Variants in INTS9 observed in about 807,000 individuals in gnomAD.
INTS9 encodes protein related to CPSF subunits of 74 kDa.
A neutral mutation model predicts 79.7 loss-of-function variants in INTS9; 55 were observed. That is an observed-to-expected ratio of 0.69 (90% CI 0.56 to 0.86). The LOEUF is 0.86. Ranked by LOEUF, INTS9 falls within the 40% of genes least tolerant of loss-of-function variation. The probability of loss-of-function intolerance (pLI) is 0.00; values close to 1 mark genes in which losing one functional copy is unlikely to be tolerated. For missense variants in INTS9, 721 were observed against 831.5 expected (o/e 0.87, Z 1.64); for synonymous variants, 319 against 325.2 (o/e 0.98, Z 0.20).
intron 11 of INTS9, among the ~76,000 whole-genome samples, chr8:28,783,149 A>AAG (rs1803398997): frequency 2.5e-5 from 1 of 40,608 alleles, no homozygotes; most frequent in African/African-American, 5.0e-5. Context: ...TCTCAAAAAA[A>AAG]AAAAAAAAAA....
rs777253741 is a variant in INTS9 at position 28,859,524 on chromosome 8, G to A, written c.49C>T (p.Leu17Phe). 3.7e-6 allele frequency: 6 copies of A among 1,614,000 alleles called. No homozygotes were observed. The East Asian group carries it at 6.7e-5, about 18-fold the overall frequency. The change falls in exon 2 of 17, where the codon CTC becomes TTC. Residue 17 changes from leucine (L) to phenylalanine (F), a missense_variant. By Grantham distance (22) the Leu-to-Phe change is conservative. Around this residue, in one of 3 missense-constraint regions of INTS9, gnomAD observed 291 missense variants for 307.0 expected, o/e 0.95. Transcript: ENST00000521022. The stretch of plus-strand genomic sequence containing the variant: ...ATAATGGTGGTTGATTTGAATTTGA[G>A]CACATTGCATGGTAAGGTTGGGTGC... ...SGHPTLPCNV[L>F]KFKSTTIMLD...
At chr8:28,843,976 T>C (rs970497750) in intron 4 of INTS9, among the ~76,000 whole-genome samples, 3 of 152,134 alleles carry the variant, frequency 2.0e-5, no homozygotes, top group African/African-American at 7.2e-5. Context: ...CGACGCAAGA[T>C]CCATGAGAAC....
intron 4 of INTS9, among the ~76,000 whole-genome samples, chr8:28,838,133 G>A (rs550726959): frequency 3.3e-5 from 5 of 151,932 alleles, no homozygotes; most frequent in Non-Finnish European, 4.4e-5. Flanking sequence ...GCATACAGGC[G>A]GCAAGCACAC....
intron 1 of INTS9, among the ~76,000 whole-genome samples, chr8:28,868,779 C>T (rs1466682398): frequency 6.6e-6 from 1 of 152,122 alleles, no homozygotes; most frequent in Non-Finnish European, 1.5e-5. Context: ...AACCTGTCAC[C>T]AACACGTTTG....
Position 28,782,827 on chromosome 8 carries a change from C to T in INTS9, c.1099-1833G>A, listed in dbSNP as rs190393425. On this transcript the variant is annotated intron_variant, in intron 11 of 16. Coordinates refer to ENST00000521022, the MANE Select transcript of INTS9 (RefSeq NM_018250.4). ...AGGTTGCAGTAATCTATGATTGCAA[C>T]GCTGTATTCTGGCATGGGTAACTGA... Among the ~76,000 whole-genome samples the T allele has an allele frequency of 3.9e-5, 6 of 152,198 alleles. No individual in the cohort carries two copies. The East Asian group carries it at 9.7e-4, about 25-fold the overall frequency.
chr8:28,819,548 T>C (rs528717614), intron 6 of INTS9, among the ~76,000 whole-genome samples: 42 of 152,362 alleles, frequency 2.8e-4, no homozygotes, highest in African/African-American at 9.4e-4. Context: ...TCTTTTACAT[T>C]TGCTGAGGAG....
At chr8:28,811,584 G>A (rs1805150131) in intron 8 of INTS9, among the ~76,000 whole-genome samples, 1 of 152,044 alleles carries the variant, frequency 6.6e-6, no homozygotes, top group South Asian at 2.1e-4. Flanking sequence ...CCACACCCGG[G>A]TAATTTTTGT....
chr8:28,803,608 C>T (rs532172654), intron 8 of INTS9, among the ~76,000 whole-genome samples: 14 of 152,224 alleles, frequency 9.2e-5, no homozygotes, highest in East Asian at 1.9e-4. Context: ...GGTATATCCA[C>T]GCGACAGACC....
intron 6 of INTS9, among the ~76,000 whole-genome samples, chr8:28,814,135 G>A (rs939702831): frequency 5.3e-5 from 8 of 151,284 alleles, no homozygotes; most frequent in African/African-American, 9.7e-5. Context: ...ACAGAAAAAC[G>A]TTTTATCATT....
intron 8 of INTS9, among the ~76,000 whole-genome samples, chr8:28,800,095 G>C (rs764816550): frequency 3.9e-5 from 6 of 152,172 alleles, no homozygotes; most frequent in Non-Finnish European, 5.9e-5. Context: ...CTATTTACTT[G>C]TCTGTGTCCC....
intron 2 of INTS9, among the ~76,000 whole-genome samples, chr8:28,851,706 G>A (rs1201550369): frequency 6.6e-6 from 1 of 151,656 alleles, no homozygotes; most frequent in African/African-American, 2.4e-5. Flanking sequence ...CAAAGTGCTG[G>A]GATTACAGGA....
chr8:28,835,267 G>A (rs370422330), intron 6 of INTS9, 25 bp downstream of exon 6: 132 of 1,542,574 alleles, frequency 8.6e-5, no homozygotes, highest in Non-Finnish European at 1.1e-4. Context: ...ACAGTCTCTC[G>A]GTAAGAGAGT....
Position 28,850,249 on chromosome 8 carries a change from G to C in INTS9, c.162C>G (p.Gly54=). 6.2e-7 allele frequency: 1 copy of C among 1,613,746 alleles called. No homozygotes were observed. The highest frequency in any genetic ancestry group is 8.5e-7 in the Non-Finnish European group (1 of 1,179,696). Residue 54 remains glycine (G), a synonymous_variant, in exon 3 of 17, where the codon GGC becomes GGG. Coordinates refer to ENST00000521022, the MANE Select transcript of INTS9 (RefSeq NM_018250.4). ...VQSPRLSNLP[G]WSLKDGNAFL... ...AAGCATTTCCATCCTTCAGGGACCA[G>C]CCAGGAAGATTGGACAGCCTGGGAC...
At chr8:28,888,594 T>A (rs1810311531) in intron 1 of INTS9, among the ~76,000 whole-genome samples, 1 of 152,196 alleles carries the variant, frequency 6.6e-6, no homozygotes, top group Non-Finnish European at 1.5e-5. Flanking sequence ...TCTATCTTCT[T>A]CTTAGGTTGC....
rs200377978 is a variant in INTS9, at chr8:28,872,976, AT to A, written c.10-13414del. On this transcript the variant is annotated intron_variant, in intron 1 of 16. Coordinates refer to ENST00000521022, the MANE Select transcript of INTS9 (RefSeq NM_018250.4). ...ATTTGAGGTGGTGAGATTACAGGTGATTTTTTTTTTTTCTTTATGCCTCTCA... is the reference window on the plus strand; with the variant it reads ...ATTTGAGGTGGTGAGATTACAGGTGATTTTTTTTTTTCTTTATGCCTCTCA... Among the ~76,000 whole-genome samples the A allele has an allele frequency of 7.7e-3, 1,125 of 146,108 alleles. 16 individuals are homozygous for A. Among genetic ancestry groups the A allele is most frequent in the African/African-American group, 0.025 (986 of 40,058 alleles).
At chr8:28,839,363 G>A in intron 4 of INTS9, among the ~76,000 whole-genome samples, 1 of 151,788 alleles carries the variant, frequency 6.6e-6, no homozygotes, top group Non-Finnish European at 1.5e-5. Flanking sequence ...TGGCCATACT[G>A]CCCAAGGTAA....
At chr8:28,830,053 A>G (rs970618528) in intron 6 of INTS9, among the ~76,000 whole-genome samples, 23 of 54,108 alleles carry the variant, frequency 4.3e-4, no homozygotes, top group African/African-American at 9.2e-4. Context: ...AAGAATGAAG[A>G]AAAAAAAAAA....
At chr8:28,869,900 C>G (rs1808973461) in intron 1 of INTS9, among the ~76,000 whole-genome samples, 2 of 152,042 alleles carry the variant, frequency 1.3e-5, no homozygotes, top group Non-Finnish European at 2.9e-5. Context: ...CTCCCTCACA[C>G]TCATCCTGTC....
At chr8:28,875,428 C>T (rs907595887) in intron 1 of INTS9, among the ~76,000 whole-genome samples, 1 of 152,182 alleles carries the variant, frequency 6.6e-6, no homozygotes, top group Non-Finnish European at 1.5e-5. Context: ...AAGTACTTTT[C>T]AAGGTCAGTT....
Sources: gnomAD v4.1 joint callset for allele counts (sites outside exome capture counted in the v4.1 genomes callset) on GRCh38, gnomAD v4.1.1 for gene constraint, gnomAD v4.1.1 regional missense constraint, MANE v1.5 for transcripts, NCBI Gene and HGNC (gene_info 2026-07-23, HGNC 2026-07-21) for gene names.